The following LIN7A variants were observed in gnomAD, a reference collection of about 807,000 sequenced individuals.
The protein encoded by LIN7A is lin-7 cell polarity scaffold A.
LIN7A carries 25 observed loss-of-function variants against 29.8 expected under a neutral mutation model. That is an observed-to-expected ratio of 0.84 (90% CI 0.61 to 1.17). LIN7A has a LOEUF of 1.17. LIN7A is among the 50% of genes most tolerant of loss of function. The pLI, the probability that LIN7A is intolerant of heterozygous loss-of-function variation, is 0.00. For synonymous variants in LIN7A, 118 were observed against 107.5 expected, an observed-to-expected ratio of 1.10 and a Z score of -0.60; for missense variants, 239 against 287.0, an observed-to-expected ratio of 0.83 and a Z score of 1.21.
chr12:80,843,901 G>C (rs1415308948), intron 4 of LIN7A, among the ~76,000 whole-genome samples: 5 of 151,852 alleles, frequency 3.3e-5, no homozygotes, highest in Non-Finnish European at 5.9e-5. Flanking sequence ...TGTGTTCCCT[G>C]CAAATGTTTA....
At chr12:80,879,645 C>CAA (rs530877505) in intron 2 of LIN7A, among the ~76,000 whole-genome samples, 38,079 of 58,738 alleles carry the variant, frequency 0.65, 15,333 homozygotes, top group Non-Finnish European at 0.76. Flanking sequence ...TGGAGCAGCC[C>CAA]AAAAAAAAAA....
At chr12:80,935,858 C>T (rs1349452504) in intron 1 of LIN7A, 1 of 452,764 alleles carries the variant, frequency 2.2e-6, no homozygotes, top group Non-Finnish European at 4.9e-6. Context: ...AAATCTTAGT[C>T]CGATTAGCAC....
rs1565890613 is a variant in LIN7A, at chr12:80,823,604, G to A, written c.484-11921C>T. On this transcript the variant is annotated intron_variant, in intron 4 of 5. Coordinates refer to ENST00000552864, the MANE Select transcript of LIN7A (RefSeq NM_004664.4). The stretch of plus-strand genomic sequence containing the variant: ...CCCCTGGTAGGCACAGGATCCAGGC[G>A]AGTAGCAGAAGCTGAGCACAACTTG... Among the ~76,000 whole-genome samples, 3 of 152,224 alleles carry A rather than the reference G, an allele frequency of 2.0e-5. No homozygotes were observed. The East Asian group carries it at 5.8e-4, about 29-fold the overall frequency.
At chr12:80,801,860 A>G (rs896838937) in intron 5 of LIN7A, among the ~76,000 whole-genome samples, 5 of 150,914 alleles carry the variant, frequency 3.3e-5, no homozygotes, top group Non-Finnish European at 1.5e-5. Context: ...TCTACCTCTG[A>G]TAATCACTAT....
chr12:80,836,651 T>C (rs977515450), intron 4 of LIN7A, among the ~76,000 whole-genome samples: 1 of 152,038 alleles, frequency 6.6e-6, no homozygotes, highest in East Asian at 1.9e-4. Context: ...TGAGACCCTG[T>C]CTCAAAAAAT....
chr12:80,918,498 T>G (rs1877133093), intron 1 of LIN7A, among the ~76,000 whole-genome samples: 1 of 152,106 alleles, frequency 6.6e-6, no homozygotes, highest in Non-Finnish European at 1.5e-5. Flanking sequence ...TAGGGCTGTC[T>G]GGGACCCCTT....
intron 4 of LIN7A, among the ~76,000 whole-genome samples, chr12:80,836,187 C>T (rs962797775): frequency 4.6e-5 from 7 of 152,152 alleles, no homozygotes; most frequent in African/African-American, 1.4e-4. Context: ...GTTCTTCAGC[C>T]TCATCTTATC....
chr12:80,922,785 C>G (rs1273356962), intron 1 of LIN7A, among the ~76,000 whole-genome samples: 4 of 152,134 alleles, frequency 2.6e-5, no homozygotes, highest in African/African-American at 7.2e-5. Flanking sequence ...TTAAATTGTG[C>G]TTTGCTCTGA....
chr12:80,845,675 G>A (rs763169948), intron 4 of LIN7A, 55 bp downstream of exon 4: 8 of 1,415,616 alleles, frequency 5.7e-6, no homozygotes, highest in Non-Finnish European at 6.8e-6. Flanking sequence ...ATAGCAGGGG[G>A]CAAAAAAAAA....
rs144626412 is a variant in LIN7A at position 80,843,287 on chromosome 12, A to C, written c.483+2443T>G. On this transcript the variant is annotated intron_variant, in intron 4 of 5. Transcript: ENST00000552864. ...TTAATGACCAAAGTTTGATCACTAA[A>C]CTACCCTATTTTCAACTGTCAATCT... Among the ~76,000 whole-genome samples the C allele has an allele frequency of 2.3e-4, 35 of 152,238 alleles. No individual in the cohort carries two copies. In the East Asian group the frequency reaches 6.4e-3, roughly 28 times the overall value.
Position 80,794,886 on chromosome 12 carries a change from CT to C in LIN7A, c.*2840del, listed in dbSNP as rs1408329942. The C allele has an allele frequency of 6.6e-6, 1 of 152,116 alleles. No homozygotes were observed. Among genetic ancestry groups the C allele is most frequent in the African/African-American group, 2.4e-5 (1 of 41,440 alleles). The allele number at this position is 152,116 out of a possible 1,614,324, so 9.4% of individuals were successfully genotyped here. A position where few individuals can be genotyped will look rare whatever the true frequency, so the allele number is the denominator to read the frequency against. ...GCTCCAGTGAAAAGGCTTGGAAACT[CT>C]TTTACTGAACTGTGCTCTATGTATT... On this transcript the variant is annotated 3_prime_UTR_variant, in exon 6 of 6. Transcript: ENST00000552864.
chr12:80,936,627 A>G (rs1341954879), intron 1 of LIN7A: 1 of 152,306 alleles, frequency 6.6e-6, no homozygotes, highest in Non-Finnish European at 1.5e-5. Context: ...CGCCTTCATC[A>G]CTGGACGCTG....
intron 2 of LIN7A, among the ~76,000 whole-genome samples, chr12:80,880,641 G>A (rs892321611): frequency 6.6e-6 from 1 of 151,952 alleles, no homozygotes; most frequent in Non-Finnish European, 1.5e-5. Flanking sequence ...GATTAATTAC[G>A]CTGGATCTTG....
chr12:80,861,552 G>C (rs552050298), intron 2 of LIN7A: 28 of 152,414 alleles, frequency 1.8e-4, no homozygotes, highest in African/African-American at 6.7e-4. Flanking sequence ...CTTCAGGAAG[G>C]TTTAGTTGTG....
At chr12:80,935,550 G>A (rs369560996) in intron 1 of LIN7A, among the ~76,000 whole-genome samples, 28 of 152,242 alleles carry the variant, frequency 1.8e-4, no homozygotes, top group African/African-American at 6.5e-4. Context: ...CTTTAAAAAT[G>A]CACCTTTTTT....
chr12:80,861,609 C>T (rs1873887677), intron 2 of LIN7A: 1 of 152,292 alleles, frequency 6.6e-6, no homozygotes, highest in Non-Finnish European at 1.5e-5. Context: ...ATGCCACTGC[C>T]TTTACTGTCC....
intron 1 of LIN7A, among the ~76,000 whole-genome samples, chr12:80,908,551 G>C (rs935354018): frequency 5.9e-5 from 9 of 151,976 alleles, no homozygotes; most frequent in African/African-American, 2.2e-4. Flanking sequence ...TTAAGGTATT[G>C]AGACTAATAA....
chr12:80,845,792 C>A lies in LIN7A; in HGVS notation c.421G>T (p.Gly141Trp). Residue 141 changes from glycine to tryptophan, a missense_variant, in exon 4 of 6, where the codon GGG becomes TGG. Physicochemically the swap from Gly to Trp is radical, Grantham distance 184. Coordinates refer to ENST00000552864, the MANE Select transcript of LIN7A (RefSeq NM_004664.4). ...AGGCCTCCGTGTCTTTCAGCCACCC[C>A]TCCAGGAATTATGCGAGAGATATAA... ...PIYISRIIPG[G>W]VAERHGGLKR... 1 of 1,613,962 alleles carries A rather than the reference C, an allele frequency of 6.2e-7. No homozygotes were observed. Among genetic ancestry groups the A allele is most frequent in the Non-Finnish European group, 8.5e-7 (1 of 1,179,952 alleles).
At chr12:80,876,439 A>C (rs1874706437) in intron 2 of LIN7A, among the ~76,000 whole-genome samples, 1 of 152,226 alleles carries the variant, frequency 6.6e-6, no homozygotes, top group Non-Finnish European at 1.5e-5. Context: ...TGAGCATTTA[A>C]AATTGAGAAT....
Sources: gnomAD v4.1 joint callset for allele counts (sites outside exome capture counted in the v4.1 genomes callset) on GRCh38, gnomAD v4.1.1 for gene constraint, MANE v1.5 for transcripts, NCBI Gene and HGNC (gene_info 2026-07-23, HGNC 2026-07-21) for gene names.